Variants in CSMD1 observed in about 807,000 individuals in gnomAD.
CSMD1 encodes the protein CUB and Sushi multiple domains 1, also known as CUB and sushi domain-containing protein 1.
CSMD1 carries 213 observed loss-of-function variants against 417.5 expected under a neutral mutation model. That is an observed-to-expected ratio of 0.51 (90% CI 0.46 to 0.57). CSMD1 has a LOEUF of 0.57. Ranked by LOEUF, CSMD1 falls within the 20% of genes least tolerant of loss-of-function variation. The pLI, the probability that CSMD1 is intolerant of heterozygous loss-of-function variation, is 0.00. For missense variants in CSMD1, 6,923 were observed against 4,529.7 expected (o/e 1.53, Z -15.17); for synonymous variants, 2,862 against 1,736.8 (o/e 1.65, Z -16.11).
intron 38 of CSMD1, among the ~76,000 whole-genome samples, chr8:3,159,164 ATAGAG>A (rs1290399931): frequency 6.6e-6 from 1 of 152,194 alleles, no homozygotes; most frequent in Non-Finnish European, 1.5e-5. Flanking sequence ...AGGGAAAAAC[ATAGAG>A]TTCAAAAGTC....
chr8:3,461,004 G>A (rs895318618), intron 12 of CSMD1, among the ~76,000 whole-genome samples: 1 of 152,202 alleles, frequency 6.6e-6, no homozygotes, highest in African/African-American at 2.4e-5. Flanking sequence ...TGGAATGGCA[G>A]TCCTCAGGAA....
chr8:4,838,299 C>G (rs1478603670), intron 1 of CSMD1, among the ~76,000 whole-genome samples: 3 of 152,128 alleles, frequency 2.0e-5, no homozygotes, highest in Non-Finnish European at 4.4e-5. Flanking sequence ...AGTCACTGTG[C>G]TAACGTAAGC....
intron 52 of CSMD1, among the ~76,000 whole-genome samples, chr8:3,008,894 A>G (rs1157348295): frequency 6.6e-6 from 1 of 152,192 alleles, no homozygotes; most frequent in Non-Finnish European, 1.5e-5. Flanking sequence ...TTCACATCAT[A>G]ACGCACGCAG....
At chr8:3,743,214 C>T (rs936331481) in intron 6 of CSMD1, among the ~76,000 whole-genome samples, 4 of 152,168 alleles carry the variant, frequency 2.6e-5, no homozygotes, top group Non-Finnish European at 5.9e-5. Flanking sequence ...AGTGTTCTGC[C>T]CTTTTTTTGT....
intron 10 of CSMD1, among the ~76,000 whole-genome samples, chr8:3,498,577 T>C (rs1343162561): frequency 6.6e-6 from 1 of 152,214 alleles, no homozygotes; most frequent in Non-Finnish European, 1.5e-5. Flanking sequence ...GCTGTTATTT[T>C]ATTATATAGA....
intron 5 of CSMD1, among the ~76,000 whole-genome samples, chr8:3,947,170 G>T (rs118089493): frequency 6.6e-6 from 1 of 152,294 alleles, no homozygotes; most frequent in Non-Finnish European, 1.5e-5. Flanking sequence ...AATTTCCATG[G>T]ATGCCCTTTA....
intron 11 of CSMD1, among the ~76,000 whole-genome samples, chr8:3,488,070 T>C (rs1031366374): frequency 3.5e-5 from 5 of 143,442 alleles, no homozygotes; most frequent in Admixed American, 2.1e-4. Flanking sequence ...ACCAAATAAA[T>C]GTTTAGAAAC....
intron 65 of CSMD1, among the ~76,000 whole-genome samples, chr8:2,952,465 G>C (rs1413625114): frequency 6.6e-6 from 1 of 151,978 alleles, no homozygotes; most frequent in African/African-American, 2.4e-5. Context: ...AGCTTCCTTT[G>C]GCCTTTTGTA....
At chr8:4,514,256 G>T (rs574518337) in intron 2 of CSMD1, among the ~76,000 whole-genome samples, 1 of 151,872 alleles carries the variant, frequency 6.6e-6, no homozygotes, top group Non-Finnish European at 1.5e-5. Flanking sequence ...CTTTTTATAC[G>T]GATATAAATC....
At chr8:4,470,931 A>T (rs1192597446) in intron 2 of CSMD1, among the ~76,000 whole-genome samples, 1 of 152,162 alleles carries the variant, frequency 6.6e-6, no homozygotes, top group Non-Finnish European at 1.5e-5. Context: ...GTAAATAAGT[A>T]TTTTTGGGAT....
chr8:3,757,044 C>A (rs988664985), intron 5 of CSMD1, among the ~76,000 whole-genome samples: 3 of 152,168 alleles, frequency 2.0e-5, no homozygotes, highest in African/African-American at 7.2e-5. Context: ...CTCAAGAAAT[C>A]CTCTCACCTT....
At chr8:3,183,893 C>T (rs564944110) in intron 36 of CSMD1, among the ~76,000 whole-genome samples, 1 of 152,182 alleles carries the variant, frequency 6.6e-6, no homozygotes, top group South Asian at 2.1e-4. Context: ...CTTATGTTAA[C>T]CAGAATTAGT....
At chr8:3,883,375 G>C (rs190823292) in intron 5 of CSMD1, among the ~76,000 whole-genome samples, 2 of 151,948 alleles carry the variant, frequency 1.3e-5, no homozygotes, top group African/African-American at 4.8e-5. Context: ...TCCAGCTATC[G>C]ATTTCTCATA....
At chr8:4,196,998 G>A (rs761998366) in intron 3 of CSMD1, among the ~76,000 whole-genome samples, 5 of 151,938 alleles carry the variant, frequency 3.3e-5, no homozygotes, top group African/African-American at 4.8e-5. Flanking sequence ...TCTATTCTAC[G>A]CTTTCTATTT....
intron 12 of CSMD1, among the ~76,000 whole-genome samples, chr8:3,414,721 C>T (rs1485974810): frequency 6.6e-6 from 1 of 152,112 alleles, no homozygotes; most frequent in Non-Finnish European, 1.5e-5. Flanking sequence ...TAGTTCTTTC[C>T]CGGTGTTTCA....
intron 3 of CSMD1, among the ~76,000 whole-genome samples, chr8:4,079,247 C>T (rs1298260413): frequency 6.6e-6 from 1 of 152,020 alleles, no homozygotes; most frequent in Admixed American, 6.6e-5. Flanking sequence ...GTAGATATAG[C>T]CCATGGAGAA....
intron 50 of CSMD1, among the ~76,000 whole-genome samples, chr8:3,045,463 T>C (rs1242037933): frequency 3.3e-5 from 5 of 152,218 alleles, no homozygotes; most frequent in African/African-American, 1.2e-4. Flanking sequence ...AAAACCGTTC[T>C]ATTGATTGAT....
intron 3 of CSMD1, among the ~76,000 whole-genome samples, chr8:4,184,545 G>C (rs1217810158): frequency 1.3e-5 from 2 of 152,172 alleles, no homozygotes; most frequent in East Asian, 1.9e-4. Context: ...AAAAGGACAA[G>C]ATTATGTCCT....
intron 49 of CSMD1, among the ~76,000 whole-genome samples, chr8:3,070,950 G>A (rs1263989022): frequency 2.6e-5 from 4 of 152,220 alleles, no homozygotes; most frequent in Admixed American, 2.6e-4. Context: ...TTTATAGGAA[G>A]CATGGTGCTG....
Sources: gnomAD v4.1 joint callset for allele counts (sites outside exome capture counted in the v4.1 genomes callset) on GRCh38, gnomAD v4.1.1 for gene constraint, MANE v1.5 for transcripts, NCBI Gene and HGNC (gene_info 2026-07-23, HGNC 2026-07-21) for gene names.